LIN28B: variants seen among roughly 807,000 people sequenced by gnomAD.
LIN28B encodes protein lin-28 homolog B.
A neutral mutation model predicts 21.9 loss-of-function variants in LIN28B; 5 were observed. The ratio of observed to expected loss-of-function variants is 0.23; its 90% confidence interval spans 0.12 to 0.48. The LOEUF is 0.48. Ranked by LOEUF, LIN28B falls within the 20% of genes least tolerant of loss-of-function variation. The pLI, the probability that LIN28B is intolerant of heterozygous loss-of-function variation, is 0.98. For missense variants in LIN28B, 245 were observed against 310.5 expected, an observed-to-expected ratio of 0.79 and a Z score of 1.58; for synonymous variants, 109 against 111.3, an observed-to-expected ratio of 0.98 and a Z score of 0.13.
intron 3 of LIN28B, among the ~76,000 whole-genome samples, chr6:105,043,538 T>G (rs779050267): frequency 2.0e-5 from 3 of 151,316 alleles, no homozygotes; most frequent in Non-Finnish European, 4.4e-5. Context: ...AGATTGATAA[T>G]TTTTAACCAG....
At chr6:104,985,549 T>C (rs923410664) in intron 2 of LIN28B, among the ~76,000 whole-genome samples, 1 of 152,220 alleles carries the variant, frequency 6.6e-6, no homozygotes, top group Admixed American at 6.5e-5. Flanking sequence ...TCAGCAAATA[T>C]CTTCTCAATA....
intron 2 of LIN28B, among the ~76,000 whole-genome samples, chr6:104,983,005 A>G (rs1181884182): frequency 6.6e-6 from 1 of 151,962 alleles, no homozygotes; most frequent in Non-Finnish European, 1.5e-5. Context: ...ACAGGGTCTT[A>G]TTCTGTTTCC....
intron 2 of LIN28B, among the ~76,000 whole-genome samples, chr6:105,011,198 T>C (rs968635815): frequency 3.3e-5 from 5 of 152,192 alleles, no homozygotes; most frequent in South Asian, 2.1e-4. Flanking sequence ...GTTCCTCCTT[T>C]TTATTTTTTT....
chr6:105,003,640 G>C (rs998752144), intron 2 of LIN28B, among the ~76,000 whole-genome samples: 13 of 152,132 alleles, frequency 8.5e-5, no homozygotes, highest in Non-Finnish European at 1.3e-4. Context: ...AGCTTCCCAA[G>C]TAGCTGGGAC....
intron 2 of LIN28B, among the ~76,000 whole-genome samples, chr6:105,017,684 A>G (rs1020871147): frequency 6.6e-6 from 1 of 152,246 alleles, no homozygotes; most frequent in Non-Finnish European, 1.5e-5. Context: ...GTAGGAGCTA[A>G]ACATGGGTTC....
Position 105,080,753 on chromosome 6 carries a change from C to T in LIN28B, c.*1970C>T, listed in dbSNP as rs1384608441. Reference sequence around the variant, plus strand: ...TAATAAGCAAGTTAACAGTAAAATGCAAAACATGATAAGCGTTGCTCAATT... The same window carrying T: ...TAATAAGCAAGTTAACAGTAAAATGTAAAACATGATAAGCGTTGCTCAATT... On this transcript the variant is annotated 3_prime_UTR_variant, in exon 4 of 4. Coordinates refer to ENST00000345080, the MANE Select transcript of LIN28B (RefSeq NM_001004317.4). The T allele has an allele frequency of 1.3e-5, 2 of 152,582 alleles. No homozygotes were observed. Among genetic ancestry groups the T allele is most frequent in the Non-Finnish European group, 2.9e-5 (2 of 68,032 alleles). The allele number at this position is 152,582 out of a possible 1,614,324, so 9.5% of individuals were successfully genotyped here. A position where few individuals can be genotyped will look rare whatever the true frequency, so the allele number is the denominator to read the frequency against.
intron 2 of LIN28B, among the ~76,000 whole-genome samples, chr6:104,976,121 TATTA>T (rs1280714728): frequency 6.6e-6 from 1 of 152,202 alleles, no homozygotes; most frequent in Non-Finnish European, 1.5e-5. Context: ...TTTAATTTTA[TATTA>T]ATTACTTACT....
At chr6:105,039,885 A>G (rs1345823851) in intron 3 of LIN28B, among the ~76,000 whole-genome samples, 1 of 152,152 alleles carries the variant, frequency 6.6e-6, no homozygotes, top group Non-Finnish European at 1.5e-5. Context: ...AGTTGTACCT[A>G]TTCTTTTCTT....
chr6:105,076,012 ATAT>A (rs1478658766), intron 3 of LIN28B, among the ~76,000 whole-genome samples: 1 of 152,208 alleles, frequency 6.6e-6, no homozygotes, highest in Non-Finnish European at 1.5e-5. Flanking sequence ...GTGGGAAAAT[ATAT>A]TATTATAAGT....
intron 3 of LIN28B, among the ~76,000 whole-genome samples, chr6:105,063,240 A>G (rs1359481867): frequency 6.6e-6 from 1 of 152,094 alleles, no homozygotes; most frequent in East Asian, 1.9e-4. Flanking sequence ...TTTTGTATTT[A>G]TGCTCTTATT....
At chr6:104,989,411 C>T (rs1770412850) in intron 2 of LIN28B, among the ~76,000 whole-genome samples, 1 of 151,686 alleles carries the variant, frequency 6.6e-6, no homozygotes, top group Admixed American at 6.6e-5. Flanking sequence ...TTAGTAGAGC[C>T]AGGGTTGTGC....
chr6:104,981,120 T>C (rs1044703385), intron 2 of LIN28B, among the ~76,000 whole-genome samples: 1 of 152,166 alleles, frequency 6.6e-6, no homozygotes, highest in Non-Finnish European at 1.5e-5. Context: ...TAGCCTTTGT[T>C]TTTTTGTGTG....
In LIN28B at chr6:104,938,635, T is replaced by C. The variant is rs1006859492; in HGVS notation, c.18+1519T>C. ...GCCTGGGGGACATAGTGAGACCCTGTCTCAAGAAAAAAAAAAAAACCTGAA... is the reference window on the plus strand; with the variant it reads ...GCCTGGGGGACATAGTGAGACCCTGCCTCAAGAAAAAAAAAAAAACCTGAA... On this transcript the variant is annotated intron_variant, in intron 2 of 5. Transcript: ENST00000635857. Among the ~76,000 whole-genome samples, 3 of 52,496 alleles carry C rather than the reference T, an allele frequency of 5.7e-5. No homozygotes were observed. The Admixed American group carries it at 8.0e-4, about 14-fold the overall frequency. 34.4% of individuals were successfully genotyped at this position (52,496 alleles called of 152,430 possible). A position where few individuals can be genotyped will look rare whatever the true frequency, so the allele number is the denominator to read the frequency against.
chr6:104,940,396 G>T (rs924843764), intron 2 of LIN28B: 1 of 155,408 alleles, frequency 6.4e-6, no homozygotes, highest in African/African-American at 2.4e-5. Context: ...CGGAGAGCCG[G>T]GAGTCACAGG....
intron 3 of LIN28B, among the ~76,000 whole-genome samples, chr6:105,073,599 C>T (rs1487380911): frequency 6.6e-6 from 1 of 152,168 alleles, no homozygotes; most frequent in Non-Finnish European, 1.5e-5. Context: ...CCCCATCAGA[C>T]CCTCAGAATG....
intron 3 of LIN28B, among the ~76,000 whole-genome samples, chr6:105,056,926 G>A (rs538602961): frequency 1.3e-5 from 2 of 152,220 alleles, no homozygotes; most frequent in African/African-American, 2.4e-5. Flanking sequence ...TCTATCAAGC[G>A]CTACAGTTTT....
chr6:105,046,050 G>A (rs1444942204), intron 3 of LIN28B, among the ~76,000 whole-genome samples: 1 of 151,936 alleles, frequency 6.6e-6, no homozygotes, highest in African/African-American at 2.4e-5. Flanking sequence ...AAGTTCCAGG[G>A]TACATGTGCA....
intron 3 of LIN28B, among the ~76,000 whole-genome samples, chr6:105,070,145 A>C (rs1221094334): frequency 1.3e-5 from 2 of 152,190 alleles, no homozygotes; most frequent in Admixed American, 1.3e-4. Context: ...GTTCTCAAGT[A>C]GCTGCACATC....
intron 3 of LIN28B, among the ~76,000 whole-genome samples, chr6:105,048,821 T>C (rs1232403169): frequency 6.6e-6 from 1 of 152,206 alleles, no homozygotes; most frequent in Non-Finnish European, 1.5e-5. Flanking sequence ...TTTATAGTCT[T>C]CTCTGATGGT....
Sources: gnomAD v4.1 joint callset for allele counts (sites outside exome capture counted in the v4.1 genomes callset) on GRCh38, gnomAD v4.1.1 for gene constraint, MANE v1.5 for transcripts, NCBI Gene and HGNC (gene_info 2026-07-23, HGNC 2026-07-21) for gene names.